The following HK2 variants were observed in gnomAD, a reference collection of about 807,000 sequenced individuals.
The protein encoded by HK2 is hexokinase 2, also known as hexokinase-2.
In HK2, 42 loss-of-function variants were observed where a neutral mutation model predicts 92.9. The ratio of observed to expected loss-of-function variants is 0.45; its 90% confidence interval spans 0.35 to 0.58. The LOEUF (loss-of-function observed/expected upper bound fraction) is 0.58, where lower values mean the gene tolerates loss of function less well. Among genes scored for constraint, HK2 ranks in the 20% least tolerant of loss-of-function variants. The pLI, the probability that HK2 is intolerant of heterozygous loss-of-function variation, is 0.00. For missense variants in HK2, 978 were observed against 1,245.1 expected (o/e 0.79, Z 3.23); for synonymous variants, 422 against 468.0 (o/e 0.90, Z 1.27).
At chr2:74,872,597 G>A (rs565554274) in intron 4 of HK2, among the ~76,000 whole-genome samples, 178 bp downstream of exon 4, 1 of 139,022 alleles carries the variant, frequency 7.2e-6, no homozygotes, top group South Asian at 2.6e-4. Context: ...AATCTGGGGG[G>A]TTGGGAGTGC....
intron 12 of HK2, among the ~76,000 whole-genome samples, chr2:74,885,007 T>A (rs537374389): frequency 2.0e-5 from 3 of 152,286 alleles, no homozygotes; most frequent in East Asian, 3.9e-4. Context: ...AGACATACAC[T>A]GACCCTTCTG....
chr2:74,860,379 C>T (rs1196427095), intron 2 of HK2, among the ~76,000 whole-genome samples: 1 of 152,182 alleles, frequency 6.6e-6, no homozygotes, highest in Non-Finnish European at 1.5e-5. Context: ...ATTACCATCA[C>T]CCCAGAAAGT....
chr2:74,836,756 CAG>C (rs1688175860), intron 1 of HK2, among the ~76,000 whole-genome samples: 1 of 152,190 alleles, frequency 6.6e-6, no homozygotes, highest in Admixed American at 6.5e-5. Flanking sequence ...AGCAGAGACT[CAG>C]AGTATCTTGG....
intron 2 of HK2, among the ~76,000 whole-genome samples, chr2:74,860,979 C>T (rs962009817): frequency 2.6e-5 from 4 of 152,182 alleles, no homozygotes; most frequent in African/African-American, 9.7e-5. Flanking sequence ...CTAGGAAACA[C>T]ACCATCTTGA....
intron 2 of HK2, among the ~76,000 whole-genome samples, chr2:74,865,515 C>T (rs1455410698): frequency 2.0e-5 from 3 of 152,040 alleles, no homozygotes; most frequent in African/African-American, 7.3e-5. Flanking sequence ...TGACAGCCAC[C>T]ACGTTGTGTT....
At chr2:74,838,695 T>C (rs901164803) in intron 1 of HK2, among the ~76,000 whole-genome samples, 1 of 150,962 alleles carries the variant, frequency 6.6e-6, no homozygotes, top group Non-Finnish European at 1.5e-5. Context: ...CCTGCCACCA[T>C]GCCCGGGTAT....
At position 74,834,604 on chromosome 2, in the gene HK2, C is replaced by G; in HGVS notation, c.24C>G (p.Ala8=). 6.2e-7 allele frequency: 1 copy of G among 1,613,976 alleles called. No individual in the cohort carries two copies. The highest frequency in any genetic ancestry group is 8.5e-7 in the Non-Finnish European group (1 of 1,179,864). ...GGATGATTGCCTCGCATCTGCTTGC[C>G]TACTTCTTCACGGAGCTCAACCATG... MIASHLL[A]YFFTELNHDQ... The change falls in exon 1 of 18, where the codon GCC becomes GCG. Residue 8 remains alanine, a synonymous_variant. Coordinates refer to ENST00000290573, the MANE Select transcript of HK2 (RefSeq NM_000189.5). This position sits in a 1 kb window ranked among gnomAD's most constrained non-coding sequence, Gnocchi z 4.2.
Position 74,891,014 on chromosome 2 carries a change from T to A in HK2, c.*73T>A. 6.4e-7 allele frequency: 1 copy of A among 1,552,222 alleles called. No homozygotes were observed. The highest frequency in any genetic ancestry group is 1.8e-5 in the Admixed American group (1 of 54,082). ...TTTTAAATTATAAGATGTCATCCCC[T>A]TGTGTCAGAGACAGACCCCTTGGCT... On this transcript the variant is annotated 3_prime_UTR_variant, in exon 18 of 18. Coordinates refer to ENST00000290573, the MANE Select transcript of HK2 (RefSeq NM_000189.5).
At chr2:74,866,163 A>G (rs1450985441) in intron 2 of HK2, among the ~76,000 whole-genome samples, 2 of 152,030 alleles carry the variant, frequency 1.3e-5, no homozygotes, top group Non-Finnish European at 2.9e-5. Flanking sequence ...TGGTGTTCTC[A>G]GGGAGCTGGT....
chr2:74,855,730 G>A (rs1267209424), intron 2 of HK2, among the ~76,000 whole-genome samples: 1 of 152,180 alleles, frequency 6.6e-6, no homozygotes, highest in African/African-American at 2.4e-5. Context: ...GGGTGTCTTG[G>A]TAATGTTACA....
chr2:74,854,063 A>G (rs1304653211), intron 1 of HK2, among the ~76,000 whole-genome samples: 1 of 151,892 alleles, frequency 6.6e-6, no homozygotes, highest in East Asian at 1.9e-4. Context: ...TTCCTCAGGT[A>G]TGCACCAGTT....
chr2:74,888,989 G>C (rs553833914), intron 16 of HK2, among the ~76,000 whole-genome samples: 1 of 152,296 alleles, frequency 6.6e-6, no homozygotes, highest in South Asian at 2.1e-4. Context: ...CTACTTTGTA[G>C]TAGTAATGGT....
intron 1 of HK2, among the ~76,000 whole-genome samples, chr2:74,840,705 A>C (rs1478064334): frequency 3.3e-5 from 2 of 60,288 alleles, no homozygotes; most frequent in Admixed American, 1.3e-4. Flanking sequence ...GTCTCTACTA[A>C]AAATACAAAA....
At chr2:74,854,198 G>T in intron 1 of HK2, 95 bp from the exon 2 acceptor site, 1 of 1,152,388 alleles carries the variant, frequency 8.7e-7, no homozygotes, top group South Asian at 1.2e-5. Flanking sequence ...AACAGATTTT[G>T]TTCTTTTGAA....
intron 2 of HK2, among the ~76,000 whole-genome samples, chr2:74,860,103 G>A (rs954121375): frequency 4.7e-5 from 7 of 150,518 alleles, no homozygotes; most frequent in South Asian, 2.1e-4. Flanking sequence ...TTATAAGTGG[G>A]AGCTAAACAG....
At chr2:74,860,584 T>A (rs1481248306) in intron 2 of HK2, among the ~76,000 whole-genome samples, 1 of 152,242 alleles carries the variant, frequency 6.6e-6, no homozygotes, top group African/African-American at 2.4e-5. Flanking sequence ...TGTCTATCAG[T>A]GTCTCGTTCC....
Position 74,885,350 on chromosome 2 carries a change from G to T in HK2, c.1840-144G>T, listed in dbSNP as rs541387820. 7.1e-5 allele frequency: 50 copies of T among 706,612 alleles called. No individual in the cohort carries two copies. The African/African-American group carries it at 8.6e-4, about 12-fold the overall frequency. The allele number at this position is 706,612 out of a possible 1,614,324, so 43.8% of individuals were successfully genotyped here. On this transcript the variant is annotated intron_variant, in intron 12 of 17. Transcript: ENST00000290573. ...AATCCAAGTAAGTACCTTAGGAACA[G>T]TTTAATTTGCGGGTGAGATGATTGG... is the stretch of plus-strand genomic sequence containing the variant.
chr2:74,888,752 A>G (rs979748384), intron 16 of HK2, among the ~76,000 whole-genome samples: 1 of 152,210 alleles, frequency 6.6e-6, no homozygotes, highest in South Asian at 2.1e-4. Context: ...TTCTTTATAT[A>G]GGAGGGTTTA....
chr2:74,878,583 G>C, intron 8 of HK2, 105 bp from the exon 9 acceptor site: 1 of 858,380 alleles, frequency 1.2e-6, no homozygotes, highest in South Asian at 1.4e-5. Flanking sequence ...TCCCCACTGG[G>C]TGGTGAATTT....
Sources: allele counts gnomAD v4.1 joint callset (sites outside exome capture counted in the v4.1 genomes callset), GRCh38; gene constraint gnomAD v4.1.1; non-coding constraint Gnocchi (gnomAD v3.1); transcripts MANE v1.5; gene names NCBI Gene and HGNC (gene_info 2026-07-23, HGNC 2026-07-21).